The following SEMA6D variants were observed in gnomAD, a reference collection of about 807,000 sequenced individuals.
SEMA6D encodes the protein semaphorin-6D.
In SEMA6D, 35 loss-of-function variants were observed where a neutral mutation model predicts 106.6. The ratio of observed to expected loss-of-function variants is 0.33; its 90% CI spans 0.25 to 0.44. The LOEUF (loss-of-function observed/expected upper bound fraction) is 0.44. Among genes scored for constraint, SEMA6D ranks in the 20% least tolerant of loss-of-function variants. The pLI, the probability that SEMA6D is intolerant of heterozygous loss-of-function variation, is 1.00. For missense variants in SEMA6D, 1,185 were observed against 1,345.9 expected (o/e 0.88, Z 1.87); for synonymous variants, 499 against 487.7 (o/e 1.02, Z -0.31).
intron 1 of SEMA6D, among the ~76,000 whole-genome samples, chr15:47,302,598 G>A (rs997515095): frequency 6.6e-6 from 1 of 152,120 alleles, no homozygotes; most frequent in Admixed American, 6.5e-5. Context: ...ATTTTTACCA[G>A]CAGAGAAGGG....
intron 1 of SEMA6D, among the ~76,000 whole-genome samples, chr15:47,353,819 T>C (rs1595803354): frequency 1.3e-5 from 2 of 152,162 alleles, no homozygotes; most frequent in East Asian, 1.9e-4. Flanking sequence ...ATTTGTATCA[T>C]TTGTATAAAA....
intron 1 of SEMA6D, among the ~76,000 whole-genome samples, chr15:47,751,006 A>T (rs930165625): frequency 3.9e-5 from 6 of 152,190 alleles, no homozygotes; most frequent in Non-Finnish European, 7.3e-5. Context: ...AGAAGGGCCC[A>T]GAGTAGCCTG....
intron 4 of SEMA6D, among the ~76,000 whole-genome samples, chr15:47,678,980 T>C (rs1479424379): frequency 6.6e-6 from 1 of 152,178 alleles, no homozygotes; most frequent in African/African-American, 2.4e-5. Context: ...ATTCATAAGA[T>C]ATTTTCTGTC....
chr15:47,199,545 G>A (rs1894579389), intron 1 of SEMA6D, among the ~76,000 whole-genome samples: 1 of 152,092 alleles, frequency 6.6e-6, no homozygotes, highest in African/African-American at 2.4e-5. Context: ...ATGTACATGG[G>A]TCCTTGTGTA....
At chr15:47,228,257 T>A (rs1274576140) in intron 1 of SEMA6D, among the ~76,000 whole-genome samples, 2 of 151,428 alleles carry the variant, frequency 1.3e-5, no homozygotes, top group Non-Finnish European at 2.9e-5. Flanking sequence ...TGCCTGTAGA[T>A]CAGCTGCTTT....
intron 1 of SEMA6D, among the ~76,000 whole-genome samples, chr15:47,406,005 G>A (rs950539836): frequency 6.6e-6 from 1 of 152,194 alleles, no homozygotes. Context: ...TATGCAAGGA[G>A]ACCTGAGAAC....
chr15:47,407,409 C>A (rs28408865), intron 1 of SEMA6D, among the ~76,000 whole-genome samples: 68,963 of 116,042 alleles, frequency 0.59, 20,889 homozygotes, highest in South Asian at 0.66. Context: ...ACAACAACAA[C>A]AAAAAAAACA....
At chr15:47,769,128 C>T (rs1346522205) in intron 18 of SEMA6D, among the ~76,000 whole-genome samples, 1 of 152,130 alleles carries the variant, frequency 6.6e-6, no homozygotes, top group South Asian at 2.1e-4. Flanking sequence ...AGGAGCCTTT[C>T]CCAGACTCTT....
At chr15:47,322,348 T>G (rs2036956483) in intron 1 of SEMA6D, among the ~76,000 whole-genome samples, 1 of 152,046 alleles carries the variant, frequency 6.6e-6, no homozygotes, top group African/African-American at 2.4e-5. Flanking sequence ...ATACTGTTGT[T>G]TCTTTAGTCT....
chr15:47,759,339 G>C (rs938903563), intron 1 of SEMA6D, among the ~76,000 whole-genome samples: 1 of 152,058 alleles, frequency 6.6e-6, no homozygotes, highest in Non-Finnish European at 1.5e-5. Context: ...CGTTTTATGC[G>C]GGGCAGAGAC....
intron 3 of SEMA6D, among the ~76,000 whole-genome samples, chr15:47,581,078 C>T (rs557790279): frequency 6.6e-6 from 1 of 152,310 alleles, no homozygotes; most frequent in Admixed American, 6.5e-5. Context: ...ATTACAATCA[C>T]TCACAGGCTG....
At chr15:47,316,223 G>A (rs897534028) in intron 1 of SEMA6D, among the ~76,000 whole-genome samples, 2 of 150,764 alleles carry the variant, frequency 1.3e-5, no homozygotes, top group African/African-American at 4.9e-5. Flanking sequence ...CTCCTGAGTA[G>A]CTGGGATTAC....
intron 3 of SEMA6D, among the ~76,000 whole-genome samples, chr15:47,499,830 C>A (rs927174033): frequency 6.6e-6 from 1 of 151,952 alleles, no homozygotes; most frequent in Non-Finnish European, 1.5e-5. Context: ...ACACCAGGCT[C>A]ACAGATGGTG....
In SEMA6D at chr15:47,771,638, C is replaced by T; in HGVS notation, c.3075C>T (p.Leu1025=). The T allele has an allele frequency of 1.2e-6, 2 of 1,614,140 alleles. No individual in the cohort carries two copies. Among genetic ancestry groups the T allele is most frequent in the Non-Finnish European group, 1.7e-6 (2 of 1,179,990 alleles). The change falls in exon 19 of 19, where the codon CTC becomes CTT. Residue 1025 remains leucine (L), a synonymous_variant. Coordinates refer to ENST00000536845, the MANE Select transcript of SEMA6D (RefSeq NM_001358351.3). The stretch of plus-strand genomic sequence containing the variant: ...TGAGTGTTCATCTGCAGCCTTCCCT[C>T]TCCAGACAGAGCAGCTACACCAGTA... ...TPVSVHLQPS[L]SRQSSYTSNG...
intron 1 of SEMA6D, among the ~76,000 whole-genome samples, chr15:47,221,260 C>T (rs571173279): frequency 6.0e-4 from 91 of 152,316 alleles, no homozygotes; most frequent in Middle Eastern, 3.4e-3. Context: ...CTGGGCTCCT[C>T]TATGAATATA....
At chr15:47,448,074 T>G (rs1342772023) in intron 2 of SEMA6D, among the ~76,000 whole-genome samples, 1 of 152,080 alleles carries the variant, frequency 6.6e-6, no homozygotes, top group Non-Finnish European at 1.5e-5. Flanking sequence ...CTTTGGAAGG[T>G]CACAGAGGCC....
chr15:47,336,721 C>G (rs554217481), intron 1 of SEMA6D, among the ~76,000 whole-genome samples: 16 of 152,188 alleles, frequency 1.1e-4, no homozygotes, highest in African/African-American at 3.6e-4. Context: ...TATTTACAGG[C>G]AAGGAGACTC....
Position 47,535,993 on chromosome 15 carries a change from G to A in SEMA6D, c.-86-64872G>A, listed in dbSNP as rs1286620534. On this transcript the variant is annotated intron_variant, in intron 3 of 19. Transcript: ENST00000558014. ...GGCAGGAAACGTGAGTTAAATTCAG[G>A]CCATCAAGAGCCTCAAATGCTATGC... 2.6e-5 allele frequency among the ~76,000 whole-genome samples: 4 copies of A among 152,094 alleles called. 1 individual carries two copies. The highest frequency in any genetic ancestry group is 4.1e-4 in the South Asian group (2 of 4,828).
rs773477318 is a variant in SEMA6D, at chr15:47,764,003, A to G, written c.901A>G (p.Thr301Ala). 6.2e-7 allele frequency: 1 copy of G among 1,613,932 alleles called. No homozygotes were observed. The highest frequency in any genetic ancestry group is 8.5e-7 in the Non-Finnish European group (1 of 1,179,878). Reference sequence around the variant, plus strand: ...CTACTTTGATGTTCTGCAGTCTATTACAGACATAATACAAATCAATGGCAT... The same window carrying G: ...CTACTTTGATGTTCTGCAGTCTATTGCAGACATAATACAAATCAATGGCAT... ...FFYFDVLQSITDIIQINGIPT... is the reference protein window; with the variant it reads ...FFYFDVLQSIADIIQINGIPT... Residue 301 changes from threonine (T) to alanine (A), a missense_variant, in exon 10 of 19, where the codon ACA (threonine) becomes GCA (alanine). Transcript: ENST00000536845.
Sources: gnomAD v4.1 joint callset for allele counts (sites outside exome capture counted in the v4.1 genomes callset) on GRCh38, gnomAD v4.1.1 for gene constraint, MANE v1.5 for transcripts, NCBI Gene and HGNC (gene_info 2026-07-23, HGNC 2026-07-21) for gene names.